HIF1A: variants seen among roughly 807,000 people sequenced by gnomAD.
The protein encoded by HIF1A is hypoxia-inducible factor 1-alpha.
A neutral mutation model predicts 92.7 loss-of-function variants in HIF1A; 24 were observed. That is an observed-to-expected ratio of 0.26 (90% CI 0.19 to 0.36). HIF1A has a LOEUF of 0.36. Ranked by LOEUF, HIF1A falls within the 10% of genes least tolerant of loss-of-function variation. The probability of loss-of-function intolerance (pLI) is 1.00; values close to 1 mark genes in which losing one functional copy is unlikely to be tolerated. For synonymous variants in HIF1A, 319 were observed against 338.7 expected (o/e 0.94, Z 0.64); for missense variants, 799 against 998.5 (o/e 0.80, Z 2.69).
intron 1 of HIF1A, among the ~76,000 whole-genome samples, chr14:61,709,034 G>A (rs1199454142): frequency 2.0e-5 from 3 of 152,158 alleles, no homozygotes; most frequent in South Asian, 2.1e-4. Context: ...AGTAGCTGGG[G>A]TTACAGGCAC....
At position 61,735,755 on chromosome 14, in the gene HIF1A, T is replaced by C. The variant is rs565135235; in HGVS notation, c.1029-1134T>C. ...TGTAGGTGGTATCACCTTATATTCT[T>C]ACCACCAAAGAAAATATGGCCCCTC... On this transcript the variant is annotated intron_variant, in intron 8 of 14. Coordinates refer to ENST00000337138, the MANE Select transcript of HIF1A (RefSeq NM_001530.4). 2.2e-4 allele frequency among the ~76,000 whole-genome samples: 34 copies of C among 152,328 alleles called. No homozygotes were observed. In the South Asian group the frequency reaches 6.8e-3, roughly 31 times the overall value.
chr14:61,699,729 A>T (rs1450614109), intron 1 of HIF1A, among the ~76,000 whole-genome samples: 1 of 152,234 alleles, frequency 6.6e-6, no homozygotes, highest in East Asian at 1.9e-4. Flanking sequence ...AAACTTTGTG[A>T]CTAGTTATCC....
intron 1 of HIF1A, among the ~76,000 whole-genome samples, chr14:61,710,862 C>A (rs1297925090): frequency 6.6e-6 from 1 of 152,006 alleles, no homozygotes; most frequent in East Asian, 1.9e-4. Flanking sequence ...AGTTCAAGAC[C>A]AGCCTGGCCA....
chr14:61,739,830 C>A (rs2301113), intron 10 of HIF1A, among the ~76,000 whole-genome samples: 91,482 of 151,960 alleles, frequency 0.6, 32,747 homozygotes, highest in Non-Finnish European at 0.77. Context: ...TCAGTCACCA[C>A]AGGAGTGTGC....
Position 61,737,087 on chromosome 14 carries a change from A to G in HIF1A, c.1227A>G (p.Ile409Met). Reference protein sequence around the residue: ...LLAPAAGDTIISLDFGSNDTE... With the variant: ...LLAPAAGDTIMSLDFGSNDTE... Reference sequence around the variant, plus strand: ...CCCCAGCCGCTGGAGACACAATCATATCTTTAGATTTTGGCAGCAACGGTG... The same window carrying G: ...CCCCAGCCGCTGGAGACACAATCATGTCTTTAGATTTTGGCAGCAACGGTG... Residue 409 changes from isoleucine (I) to methionine (M), a missense_variant, in exon 9 of 15, where the codon ATA (isoleucine) becomes ATG (methionine). Around this residue, in one of 2 missense-constraint regions of HIF1A, gnomAD observed 516 missense variants for 721.0 expected, o/e 0.72. Transcript: ENST00000337138. 6.2e-7 allele frequency: 1 copy of G among 1,614,128 alleles called. No homozygotes were observed. The highest frequency in any genetic ancestry group is 8.5e-7 in the Non-Finnish European group (1 of 1,179,962).
chr14:61,732,452 C>A lies in HIF1A; in HGVS notation c.808C>A (p.Leu270Ile), dbSNP rs2044587992. 1 of 1,611,228 alleles carries A rather than the reference C, an allele frequency of 6.2e-7. No homozygotes were observed. The highest frequency in any genetic ancestry group is 1.3e-5 in the African/African-American group (1 of 74,800). The part of the protein sequence containing the change: ...TELMGYEPEE[L>I]LGRSIYEYYH... ...ATTGATGGGATATGAGCCAGAAGAA[C>A]TTTTAGGCCGCTCAATTTATGAATA... Residue 270 changes from leucine (L) to isoleucine (I), a missense_variant, in exon 7 of 15, where the codon CTT becomes ATT. Physicochemically the swap from Leu to Ile is conservative, Grantham distance 5. Transcript: ENST00000337138.
chr14:61,730,749 G>A (rs2044566985), intron 6 of HIF1A, among the ~76,000 whole-genome samples: 1 of 152,118 alleles, frequency 6.6e-6, no homozygotes, highest in Non-Finnish European at 1.5e-5. Context: ...GCCACGTATT[G>A]AGTTTTGTCT....
At chr14:61,703,324 T>G (rs1401683784) in intron 1 of HIF1A, among the ~76,000 whole-genome samples, 1 of 152,196 alleles carries the variant, frequency 6.6e-6, no homozygotes, top group Non-Finnish European at 1.5e-5. Context: ...ACACTGGCAA[T>G]TTGATAAGTA....
At chr14:61,731,594 T>G (rs1385990610) in intron 6 of HIF1A, among the ~76,000 whole-genome samples, 1 of 150,666 alleles carries the variant, frequency 6.6e-6, no homozygotes, top group African/African-American at 2.4e-5. Context: ...AGATGCTCTT[T>G]GGTTGATGAT....
In HIF1A at chr14:61,738,233, G is replaced by A; in HGVS notation, c.1396G>A (p.Ala466Thr). The change falls in exon 10 of 15, where the codon GCT (alanine) becomes ACT (threonine). Residue 466 changes from alanine to threonine, a missense_variant. Coordinates refer to ENST00000337138, the MANE Select transcript of HIF1A (RefSeq NM_001530.4). ...AETPKPLRSS[A>T]DPALNQEVAL... ...AACGCCAAAGCCACTTCGAAGTAGT[G>A]CTGACCCTGCACTCAATCAAGAAGT... The A allele has an allele frequency of 6.2e-7, 1 of 1,614,110 alleles. No homozygotes were observed.
chr14:61,746,392 C>CTTTTTTTTTTTTTTTT (rs754879947), intron 14 of HIF1A, among the ~76,000 whole-genome samples: 5 of 49,494 alleles, frequency 1.0e-4, no homozygotes, highest in African/African-American at 2.5e-4. Context: ...TTTATGACTT[C>CTTTTTTTTTTTTTTTT]TTTTTTTTTT....
At chr14:61,707,771 GT>G (rs2044258243) in intron 1 of HIF1A, among the ~76,000 whole-genome samples, 1 of 151,000 alleles carries the variant, frequency 6.6e-6, no homozygotes, top group African/African-American at 2.4e-5. Flanking sequence ...AAACATACGT[GT>G]GCATGTGTCT....
chr14:61,704,860 C>T (rs746518208), intron 1 of HIF1A, among the ~76,000 whole-genome samples: 4 of 152,108 alleles, frequency 2.6e-5, no homozygotes, highest in Non-Finnish European at 5.9e-5. Context: ...CACAGTTGAA[C>T]ATTCCATTTT....
intron 1 of HIF1A, chr14:61,715,462 G>A (rs962659402): frequency 1.3e-5 from 2 of 152,148 alleles, no homozygotes; most frequent in Admixed American, 6.5e-5. Context: ...ACAAATACTT[G>A]CCTTGGTAAT....
rs2044101956 is a variant in HIF1A at position 61,695,520 on chromosome 14, A to G, written c.-285A>G. The G allele has an allele frequency of 5.1e-6, 2 of 388,830 alleles. No homozygotes were observed. Among genetic ancestry groups the G allele is most frequent in the Middle Eastern group, 7.1e-4 (1 of 1,414 alleles). The allele number at this position is 388,830 out of a possible 1,614,324, so 24.1% of individuals were successfully genotyped here. On this transcript the variant is annotated 5_prime_UTR_variant, in exon 1 of 15. Transcript: ENST00000337138. ...ACGCTGCCTCAGCTCCTCAGTGCAC[A>G]GTGCTGCCTCGTCTGAGGGGACAGG...
intron 10 of HIF1A, 28 bp downstream of exon 10, chr14:61,738,401 G>T: frequency 6.6e-7 from 1 of 1,520,386 alleles, no homozygotes; most frequent in South Asian, 1.3e-5. Flanking sequence ...ATCAGAAAGG[G>T]ACAACTTTCA....
At chr14:61,712,862 C>A (rs2140129268) in intron 1 of HIF1A, among the ~76,000 whole-genome samples, 1 of 150,920 alleles carries the variant, frequency 6.6e-6, no homozygotes, top group East Asian at 2.0e-4. Context: ...AGTTTCCTGC[C>A]CCCAAGAATC....
At chr14:61,737,617 T>C (rs1012496104) in intron 9 of HIF1A, among the ~76,000 whole-genome samples, 2 of 152,274 alleles carry the variant, frequency 1.3e-5, no homozygotes, top group African/African-American at 2.4e-5. Flanking sequence ...CTCAGACTTA[T>C]GGTTATACTA....
At chr14:61,721,076 C>T (rs1231602621) in intron 2 of HIF1A, among the ~76,000 whole-genome samples, 1 of 151,882 alleles carries the variant, frequency 6.6e-6, no homozygotes, top group Non-Finnish European at 1.5e-5. Context: ...CCCATATATA[C>T]CAAAAATATA....
Sources: allele counts gnomAD v4.1 joint callset (sites outside exome capture counted in the v4.1 genomes callset), GRCh38; gene constraint gnomAD v4.1.1; regional missense constraint gnomAD v4.1.1; transcripts MANE v1.5; gene names NCBI Gene and HGNC (gene_info 2026-07-23, HGNC 2026-07-21).